Variants in RBMS3 observed in about 807,000 individuals in gnomAD.
The protein encoded by RBMS3 is RNA binding motif single stranded interacting protein 3, also known as RNA-binding motif, single-stranded-interacting protein 3.
Under a neutral mutation model 66.8 loss-of-function variants are expected in RBMS3, and 27 were observed. That is an observed-to-expected ratio of 0.40 (90% CI 0.30 to 0.56). The LOEUF (loss-of-function observed/expected upper bound fraction) is 0.56, where lower values mean the gene tolerates loss of function less well. Among genes scored for constraint, RBMS3 ranks in the 20% least tolerant of loss-of-function variants. The pLI is 0.40. For missense variants in RBMS3, 513 were observed against 549.5 expected (o/e 0.93, Z 0.66); for synonymous variants, 188 against 183.0 (o/e 1.03, Z -0.22).
intron 3 of RBMS3, among the ~76,000 whole-genome samples, chr3:29,507,186 G>C (rs934307106): frequency 5.3e-5 from 8 of 150,382 alleles, no homozygotes; most frequent in African/African-American, 1.7e-4. Context: ...ACTATCAGCT[G>C]TATTTAAAAA....
chr3:29,702,412 A>C (rs1233552407), intron 4 of RBMS3, among the ~76,000 whole-genome samples: 1 of 152,202 alleles, frequency 6.6e-6, no homozygotes, highest in African/African-American at 2.4e-5. Flanking sequence ...AAAATGGACC[A>C]ATCAGCAGGA....
At chr3:29,859,311 T>C (rs1428501541) in intron 6 of RBMS3, among the ~76,000 whole-genome samples, 1 of 152,186 alleles carries the variant, frequency 6.6e-6, no homozygotes, top group Non-Finnish European at 1.5e-5. Context: ...ACTGTAATTA[T>C]ATTTTTGTGA....
chr3:29,404,614 A>G (rs1006172924), intron 1 of RBMS3, among the ~76,000 whole-genome samples: 2 of 152,100 alleles, frequency 1.3e-5, no homozygotes, highest in Non-Finnish European at 2.9e-5. Flanking sequence ...GAAGAAAAAT[A>G]TTACTTCCTG....
chr3:29,744,677 G>T (rs113051598), intron 5 of RBMS3, among the ~76,000 whole-genome samples: 3,733 of 151,946 alleles, frequency 0.025, 154 homozygotes, highest in African/African-American at 0.084. Flanking sequence ...CGAGCTACTC[G>T]GGAGGCTGAG....
intron 3 of RBMS3, among the ~76,000 whole-genome samples, chr3:29,489,090 C>T (rs1241725872): frequency 1.3e-5 from 2 of 152,130 alleles, no homozygotes; most frequent in East Asian, 1.9e-4. Flanking sequence ...TTAAAATTTG[C>T]ATTAGATTAA....
intron 1 of RBMS3, among the ~76,000 whole-genome samples, chr3:29,334,637 G>C (rs2035845488): frequency 6.6e-6 from 1 of 152,114 alleles, no homozygotes; most frequent in Non-Finnish European, 1.5e-5. Context: ...ATTCTAATTA[G>C]ATATAAGGTA....
At chr3:29,788,393 C>T (rs2056896227) in intron 6 of RBMS3, among the ~76,000 whole-genome samples, 1 of 151,798 alleles carries the variant, frequency 6.6e-6, no homozygotes, top group African/African-American at 2.4e-5. Flanking sequence ...GTCCGGCTAA[C>T]TTTTTGTATT....
At chr3:29,338,303 T>C (rs2036071746) in intron 1 of RBMS3, among the ~76,000 whole-genome samples, 4 of 152,310 alleles carry the variant, frequency 2.6e-5, no homozygotes, top group Admixed American at 6.5e-5. Context: ...CTATGAGTTA[T>C]ATAAAAGCAA....
chr3:29,953,591 A>C (rs1166759271), intron 12 of RBMS3, among the ~76,000 whole-genome samples: 2 of 151,926 alleles, frequency 1.3e-5, no homozygotes, highest in South Asian at 2.1e-4. Flanking sequence ...AGAGAGGGTA[A>C]ATAGTGTTTT....
chr3:29,508,341 T>A (rs1219671347), intron 3 of RBMS3, among the ~76,000 whole-genome samples: 1 of 152,174 alleles, frequency 6.6e-6, no homozygotes, highest in Non-Finnish European at 1.5e-5. Context: ...CCTAATGCTA[T>A]ACCTCCCCTA....
chr3:29,855,720 C>A (rs1402700129), intron 6 of RBMS3, among the ~76,000 whole-genome samples: 1 of 152,204 alleles, frequency 6.6e-6, no homozygotes, highest in African/African-American at 2.4e-5. Context: ...CAATGTCGGA[C>A]TGAATTAAGT....
At chr3:29,377,057 A>G (rs1369485226) in intron 1 of RBMS3, among the ~76,000 whole-genome samples, 2 of 151,978 alleles carry the variant, frequency 1.3e-5, no homozygotes, top group East Asian at 3.9e-4. Context: ...CCATTGCACT[A>G]TAGCCTCGGT....
chr3:29,302,274 A>T (rs2033727028), intron 1 of RBMS3, among the ~76,000 whole-genome samples: 1 of 152,012 alleles, frequency 6.6e-6, no homozygotes, highest in South Asian at 2.1e-4. Context: ...GGCCTCCCAA[A>T]GTGCTGGGAT....
chr3:29,513,240 TTTG>T (rs2044483807), intron 3 of RBMS3, among the ~76,000 whole-genome samples: 1 of 152,156 alleles, frequency 6.6e-6, no homozygotes, highest in Non-Finnish European at 1.5e-5. Flanking sequence ...ACTTAAATGT[TTTG>T]AGTTGAAAAC....
At chr3:29,725,948 G>A (rs191670389) in intron 4 of RBMS3, among the ~76,000 whole-genome samples, 20 of 152,132 alleles carry the variant, frequency 1.3e-4, no homozygotes, top group African/African-American at 4.3e-4. Flanking sequence ...ACATGGATGC[G>A]AAAATCCTCA....
chr3:29,665,177 T>TTTA (rs1442593319), intron 4 of RBMS3, among the ~76,000 whole-genome samples: 1 of 152,192 alleles, frequency 6.6e-6, no homozygotes, highest in Non-Finnish European at 1.5e-5. Flanking sequence ...AATATTTAAC[T>TTTA]AGTTTTTCTA....
chr3:29,670,724 G>A (rs2050961709), intron 4 of RBMS3, among the ~76,000 whole-genome samples: 1 of 152,178 alleles, frequency 6.6e-6, no homozygotes, highest in African/African-American at 2.4e-5. Context: ...CCACTGCTGA[G>A]GCTTGAGTAG....
At chr3:29,473,078 G>T (rs548424391) in intron 2 of RBMS3, among the ~76,000 whole-genome samples, 1 of 151,870 alleles carries the variant, frequency 6.6e-6, no homozygotes, top group Non-Finnish European at 1.5e-5. Flanking sequence ...TAGGCACAGG[G>T]TGCTGATTGG....
intron 10 of RBMS3, among the ~76,000 whole-genome samples, chr3:29,929,260 C>G (rs2061040556): frequency 6.6e-6 from 1 of 152,158 alleles, no homozygotes; most frequent in African/African-American, 2.4e-5. Flanking sequence ...CCACTTTGCT[C>G]TATTAGGATT....
Sources: allele counts gnomAD v4.1 joint callset (sites outside exome capture counted in the v4.1 genomes callset), GRCh38; gene constraint gnomAD v4.1.1; transcripts MANE v1.5; gene names NCBI Gene and HGNC (gene_info 2026-07-23, HGNC 2026-07-21).